The following CELSR1 variants were observed in gnomAD, a reference collection of about 807,000 sequenced individuals.
CELSR1 encodes the protein cadherin EGF LAG seven-pass G-type receptor 1.
Under a neutral mutation model 249.1 loss-of-function variants are expected in CELSR1, and 110 were observed. The ratio of observed to expected loss-of-function variants is 0.44; its 90% CI spans 0.38 to 0.52. CELSR1 has a LOEUF of 0.52. CELSR1 is among the 20% of genes least tolerant of loss of function. The pLI is 0.00. For synonymous variants in CELSR1, 2,113 were observed against 1,900.0 expected (o/e 1.11, Z -2.92); for missense variants, 4,109 against 4,296.4 (o/e 0.96, Z 1.22).
In CELSR1 at chr22:46,395,371, C is replaced by T. The variant is rs1182730996; in HGVS notation, c.5844-1109G>A. 6.6e-6 allele frequency among the ~76,000 whole-genome samples: 1 copy of T among 152,098 alleles called. No individual in the cohort carries two copies. The highest frequency in any genetic ancestry group is 1.5e-5 in the Non-Finnish European group (1 of 67,996). On this transcript the variant is annotated intron_variant, in intron 13 of 34. Coordinates refer to ENST00000674500, the MANE Select transcript of CELSR1 (RefSeq NM_001378328.1). This position sits in a 1 kb window ranked among gnomAD's most constrained non-coding sequence, Gnocchi z 5.5. The stretch of plus-strand genomic sequence containing the variant: ...GGCCTCCACACAGCCGAATTCTGTT[C>T]CTGGCTTGCGGGCCCACCTCTGTCC...
In CELSR1 at chr22:46,454,306, AG is replaced by A. The variant is rs2079920640; in HGVS notation, c.4183+9400del. Among the ~76,000 whole-genome samples the A allele has an allele frequency of 6.6e-6, 1 of 152,192 alleles. No homozygotes were observed. On this transcript the variant is annotated intron_variant, in intron 2 of 34. Transcript: ENST00000674500. The surrounding 1 kb of genome is among the most constrained non-coding windows in gnomAD (Gnocchi z 5.1). ...GTAAGAATGAATCCGTGCTGCGTTA[AG>A]CCCCTCGTGTGTGGAAATGTTACAG...
Position 46,390,589 on chromosome 22 carries a change from C to T in CELSR1, c.6251-103G>A, listed in dbSNP as rs1421079956. On this transcript the variant is annotated intron_variant, in intron 16 of 34. Transcript: ENST00000674500. This position sits in a 1 kb window ranked among gnomAD's most constrained non-coding sequence, Gnocchi z 6.3. ...GAATATACTTAAACCCAGAACACTG[C>T]GTGGTGGTTAGAACCCCATGGGGGC... 1.3e-5 allele frequency: 12 copies of T among 959,922 alleles called. No individual in the cohort carries two copies. Among genetic ancestry groups the T allele is most frequent in the East Asian group, 2.7e-5 (1 of 37,006 alleles). 59.5% of individuals were successfully genotyped at this position (959,922 alleles called of 1,614,324 possible). A position where few individuals can be genotyped will look rare whatever the true frequency, so the allele number is the denominator to read the frequency against.
At position 46,393,554 on chromosome 22, in the gene CELSR1, A is replaced by C. The variant is rs1437010372; in HGVS notation, c.5964+588T>G. Reference sequence around the variant, plus strand: ...GGAGTTCAAGACCAGCCTGGCCAACATGGTGAAATCCTGTCTCTACTAAAA... The same window carrying C: ...GGAGTTCAAGACCAGCCTGGCCAACCTGGTGAAATCCTGTCTCTACTAAAA... On this transcript the variant is annotated intron_variant, in intron 14 of 34. Coordinates refer to ENST00000674500, the MANE Select transcript of CELSR1 (RefSeq NM_001378328.1). This position sits in a 1 kb window ranked among gnomAD's most constrained non-coding sequence, Gnocchi z 4.1. Among the ~76,000 whole-genome samples the C allele has an allele frequency of 6.6e-6, 1 of 152,132 alleles. No homozygotes were observed. The highest frequency in any genetic ancestry group is 1.5e-5 in the Non-Finnish European group (1 of 68,016).
intron 1 of CELSR1, among the ~76,000 whole-genome samples, chr22:46,469,793 C>T (rs1156728555): frequency 1.3e-5 from 2 of 150,350 alleles, no homozygotes; most frequent in East Asian, 2.0e-4. Context: ...AGATTACAAG[C>T]GTGAACCACC....
chr22:46,422,483 C>T (rs2079486034), intron 5 of CELSR1, among the ~76,000 whole-genome samples: 1 of 148,490 alleles, frequency 6.7e-6, no homozygotes, highest in East Asian at 2.0e-4. Context: ...CCTGTAATCG[C>T]AGCACTTTGG....
chr22:46,531,093 G>A (rs938374301), intron 1 of CELSR1, among the ~76,000 whole-genome samples: 1 of 152,196 alleles, frequency 6.6e-6, no homozygotes, highest in African/African-American at 2.4e-5. Flanking sequence ...CCGGTGCTTT[G>A]CTGTCTGGAA....
At position 46,537,364 on chromosome 22, in the gene CELSR1, C is replaced by A. The variant is rs180986472; in HGVS notation, c.-194G>T. On this transcript the variant is annotated 5_prime_UTR_variant, in exon 1 of 35. Coordinates refer to ENST00000674500, the MANE Select transcript of CELSR1 (RefSeq NM_001378328.1). The surrounding 1 kb of genome is among the most constrained non-coding windows in gnomAD (Gnocchi z 5.8). ...CCGGCCTCCCCCGCAGCTTCCACTTCGAGAGCACTTTGCGAAAGTTTGCGA... is the reference window on the plus strand; with the variant it reads ...CCGGCCTCCCCCGCAGCTTCCACTTAGAGAGCACTTTGCGAAAGTTTGCGA... Among the ~76,000 whole-genome samples, 914 of 148,754 alleles carry A rather than the reference C, an allele frequency of 6.1e-3. 2 individuals are homozygous for A. Among genetic ancestry groups the A allele is most frequent in the Middle Eastern group, 0.038 (11 of 290 alleles).
chr22:46,526,611 G>A lies in CELSR1; in HGVS notation c.3544+7016C>T, dbSNP rs1290803015. On this transcript the variant is annotated intron_variant, in intron 1 of 34. Coordinates refer to ENST00000674500, the MANE Select transcript of CELSR1 (RefSeq NM_001378328.1). The surrounding 1 kb of genome is among the most constrained non-coding windows in gnomAD (Gnocchi z 4.7). ...CCAACCGCCAGACGGCATCCATCAC[G>A]GATGACCCCCTCGGAGACACTCGCC... 1.3e-5 allele frequency among the ~76,000 whole-genome samples: 2 copies of A among 152,142 alleles called. No individual in the cohort carries two copies. Among genetic ancestry groups the A allele is most frequent in the African/African-American group, 2.4e-5 (1 of 41,416 alleles).
At chr22:46,367,160 C>A in intron 28 of CELSR1, 42 bp from the exon 29 acceptor site, 1 of 1,596,682 alleles carries the variant, frequency 6.3e-7, no homozygotes, top group South Asian at 1.1e-5. Flanking sequence ...TGCTGCCTCC[C>A]TAGGCACCTG....
In CELSR1 at chr22:46,363,781, C is replaced by G. The variant is rs922785989; in HGVS notation, c.9035+215G>C. 4 of 622,066 alleles carry G rather than the reference C, an allele frequency of 6.4e-6. No homozygotes were observed. Among genetic ancestry groups the G allele is most frequent in the Non-Finnish European group, 1.1e-5 (4 of 375,430 alleles). 38.5% of individuals were successfully genotyped at this position (622,066 alleles called of 1,614,324 possible). On this transcript the variant is annotated intron_variant, in intron 34 of 34. Coordinates refer to ENST00000674500, the MANE Select transcript of CELSR1 (RefSeq NM_001378328.1). The surrounding 1 kb of genome is among the most constrained non-coding windows in gnomAD (Gnocchi z 4.3). ...GCTTCAGAGTCCCAGAGGCCTGAGA[C>G]GTGTCCCCAGGATAGGGGGTCTGCC...
rs537766445 is a variant in CELSR1 at position 46,380,484 on chromosome 22, G to A, written c.7256+304C>T. On this transcript the variant is annotated intron_variant, in intron 22 of 34. Coordinates refer to ENST00000674500, the MANE Select transcript of CELSR1 (RefSeq NM_001378328.1). This position sits in a 1 kb window ranked among gnomAD's most constrained non-coding sequence, Gnocchi z 5.1. ...ACACTAGTGTTGGCCGCTGCATGTC[G>A]GGAGTCCCGCAGGTGAGGGGTCCCC... is the stretch of plus-strand genomic sequence containing the variant. Among the ~76,000 whole-genome samples, 220 of 152,340 alleles carry A rather than the reference G, an allele frequency of 1.4e-3. No individual in the cohort carries two copies. The highest frequency in any genetic ancestry group is 0.01 in the South Asian group (49 of 4,832).
At chr22:46,422,442 A>G (rs1199724112) in intron 5 of CELSR1, among the ~76,000 whole-genome samples, 1 of 151,744 alleles carries the variant, frequency 6.6e-6, no homozygotes, top group Non-Finnish European at 1.5e-5. Flanking sequence ...TATTTAAAAG[A>G]AAAAACCAGG....
intron 1 of CELSR1, among the ~76,000 whole-genome samples, chr22:46,469,972 G>GGAGGGAGGAGGAGGGGAGA: frequency 6.9e-6 from 1 of 145,028 alleles, no homozygotes; most frequent in Non-Finnish European, 1.5e-5. Context: ...AGAAAGGGAG[G>GGAGGGAGGAGGAGGGGAGA]GAGGGAGGAG....
In CELSR1 at chr22:46,367,124, G is replaced by A; in HGVS notation, c.8080-6C>T. The stretch of plus-strand genomic sequence containing the variant: ...AAAAGGAGGACGAAGGGGCCCTGGA[G>A]GGAGGAAGGTGGGGTCAGCACCTGC... On this transcript the variant is annotated splice_polypyrimidine_tract_variant and splice_region_variant and intron_variant, in intron 28 of 34. Coordinates refer to ENST00000674500, the MANE Select transcript of CELSR1 (RefSeq NM_001378328.1). The A allele has an allele frequency of 6.2e-7, 1 of 1,609,918 alleles. No individual in the cohort carries two copies. Among genetic ancestry groups the A allele is most frequent in the Non-Finnish European group, 8.5e-7 (1 of 1,179,206 alleles).
At chr22:46,376,693 G>C (rs2078921841) in intron 24 of CELSR1, among the ~76,000 whole-genome samples, 1 of 151,790 alleles carries the variant, frequency 6.6e-6, no homozygotes, top group Admixed American at 6.6e-5. Context: ...GACAAGAGTT[G>C]TATTTTCCTG....
At chr22:46,432,644 A>T (rs139814885) in intron 5 of CELSR1, among the ~76,000 whole-genome samples, 100 of 152,348 alleles carry the variant, frequency 6.6e-4, no homozygotes, top group African/African-American at 2.2e-3. Context: ...AATAAAGTGA[A>T]ACCAAAACCA....
At chr22:46,416,552 G>A (rs2079404299) in intron 5 of CELSR1, among the ~76,000 whole-genome samples, 1 of 152,192 alleles carries the variant, frequency 6.6e-6, no homozygotes, top group Non-Finnish European at 1.5e-5. Flanking sequence ...CCCCTCGGCG[G>A]GCAACCCTGG....
chr22:46,386,135 AC>A (rs1197462368), intron 19 of CELSR1, among the ~76,000 whole-genome samples: 33 of 150,910 alleles, frequency 2.2e-4, no homozygotes, highest in Non-Finnish European at 8.8e-5. Flanking sequence ...ACACCTGGCT[AC>A]TTTTTGTATT....
chr22:46,530,928 C>T (rs2080785479), intron 1 of CELSR1, among the ~76,000 whole-genome samples: 1 of 152,216 alleles, frequency 6.6e-6, no homozygotes, highest in Admixed American at 6.5e-5. Flanking sequence ...CATATTGCAT[C>T]AAAGGCTTTA....
Sources: gnomAD v4.1 joint callset for allele counts (sites outside exome capture counted in the v4.1 genomes callset) on GRCh38, gnomAD v4.1.1 for gene constraint, Gnocchi (gnomAD v3.1) non-coding constraint, MANE v1.5 for transcripts, NCBI Gene and HGNC (gene_info 2026-07-23, HGNC 2026-07-21) for gene names.